The following ZMYM1 variants were observed in gnomAD, a reference collection of about 807,000 sequenced individuals.
ZMYM1 encodes zinc finger MYM-type containing 1.
In ZMYM1, 39 loss-of-function variants were observed where a neutral mutation model predicts 60.0. The ratio of observed to expected loss-of-function variants is 0.65; its 90% confidence interval spans 0.50 to 0.85. The LOEUF (loss-of-function observed/expected upper bound fraction) is 0.85. ZMYM1 is among the 40% of genes least tolerant of loss of function. The pLI, the probability that ZMYM1 is intolerant of heterozygous loss-of-function variation, is 0.00. For synonymous variants in ZMYM1, 413 were observed against 454.0 expected (o/e 0.91, Z 1.15); for missense variants, 1,171 against 1,309.5 (o/e 0.89, Z 1.63).
chr1:35,095,922 A>T, intron 3 of ZMYM1, 31 bp downstream of exon 3: 1 of 1,453,346 alleles, frequency 6.9e-7, no homozygotes, highest in Non-Finnish European at 9.6e-7. Context: ...AGTTATGTTT[A>T]TTCAGACCAA....
intron 4 of ZMYM1, among the ~76,000 whole-genome samples, chr1:35,098,756 A>C (rs1643476341): frequency 1.3e-5 from 2 of 152,164 alleles, no homozygotes; most frequent in African/African-American, 4.8e-5. Flanking sequence ...AATACAAAAA[A>C]ATTAGCTGAG....
At chr1:35,104,820 T>G (rs1643833053) in intron 6 of ZMYM1, 51 bp downstream of exon 6, 1 of 1,498,916 alleles carries the variant, frequency 6.7e-7, no homozygotes. Flanking sequence ...ATGAATGGTT[T>G]CACTCTAGGA....
chr1:35,113,884 C>A lies in ZMYM1; in HGVS notation c.2054C>A (p.Thr685Asn). The change falls in exon 10 of 10, where the codon ACT becomes AAT. Residue 685 changes from threonine to asparagine, a missense_variant. Thr to Asn is a moderately conservative substitution (Grantham distance 65). Transcript: ENST00000359858. ...IKERFLGFVD[T>N]EEMTGTHLHR... Reference sequence around the variant, plus strand: ...GAAAGATTCTTGGGTTTTGTTGATACTGAGGAGATGACTGGGACCCACTTA... The same window carrying A: ...GAAAGATTCTTGGGTTTTGTTGATAATGAGGAGATGACTGGGACCCACTTA... 6.2e-7 allele frequency: 1 copy of A among 1,613,802 alleles called. No individual in the cohort carries two copies. Among genetic ancestry groups the A allele is most frequent in the Non-Finnish European group, 8.5e-7 (1 of 1,179,862 alleles).
At chr1:35,117,832 C>G (rs1178681178), downstream of ZMYM1, among the ~76,000 whole-genome samples, 2 of 151,920 alleles carry the variant, frequency 1.3e-5, no homozygotes, top group African/African-American at 4.8e-5. Flanking sequence ...ACCAGCTACT[C>G]GGGAGGCTGA....
At chr1:35,086,257 G>A (rs1461255915) in intron 1 of ZMYM1, among the ~76,000 whole-genome samples, 2 of 151,908 alleles carry the variant, frequency 1.3e-5, no homozygotes, top group African/African-American at 4.8e-5. Flanking sequence ...AATATATACA[G>A]AATTTTAAGG....
chr1:35,095,501 GAAAA>G (rs60070624), intron 2 of ZMYM1, among the ~76,000 whole-genome samples: 1 of 107,922 alleles, frequency 9.3e-6, no homozygotes, highest in Non-Finnish European at 2.1e-5. Context: ...AAAAAAAAAA[GAAAA>G]AAAAAAAAAA....
At chr1:35,094,980 A>G (rs1340374186) in intron 2 of ZMYM1, among the ~76,000 whole-genome samples, 1 of 152,158 alleles carries the variant, frequency 6.6e-6, no homozygotes, top group Non-Finnish European at 1.5e-5. Context: ...GTAGATTAAT[A>G]TTAAATAAGG....
intron 1 of ZMYM1, among the ~76,000 whole-genome samples, chr1:35,089,041 C>T (rs1041127487): frequency 1.3e-5 from 2 of 151,734 alleles, no homozygotes; most frequent in Non-Finnish European, 2.9e-5. Context: ...CTTGAACTCC[C>T]GACCTCCTCA....
At chr1:35,062,393 C>T (rs563349224) in intron 1 of ZMYM1, among the ~76,000 whole-genome samples, 2 of 152,328 alleles carry the variant, frequency 1.3e-5, no homozygotes, top group East Asian at 3.9e-4. Flanking sequence ...AGGTTCTACC[C>T]TCCAACCTAG....
chr1:35,065,444 A>C (rs1268778879), intron 1 of ZMYM1, among the ~76,000 whole-genome samples: 1 of 151,940 alleles, frequency 6.6e-6, no homozygotes, highest in Admixed American at 6.6e-5. Context: ...AAATATAGTT[A>C]ATTGACGTTT....
intron 4 of ZMYM1, among the ~76,000 whole-genome samples, chr1:35,102,671 T>C (rs1281094797): frequency 6.6e-6 from 1 of 152,214 alleles, no homozygotes; most frequent in East Asian, 1.9e-4. Flanking sequence ...GATAATAGTT[T>C]GTCTTTATTT....
chr1:35,090,773 CCT>C, intron 1 of ZMYM1, among the ~76,000 whole-genome samples: 1 of 152,130 alleles, frequency 6.6e-6, no homozygotes, highest in East Asian at 1.9e-4. Flanking sequence ...ATGGAGAAAC[CCT>C]GTCTCTACTA....
chr1:35,095,749 G>T, intron 2 of ZMYM1, 70 bp from the exon 3 acceptor site: 2 of 1,285,430 alleles, frequency 1.6e-6, no homozygotes, highest in Non-Finnish European at 2.1e-6. Flanking sequence ...ATCATTTTCT[G>T]TTGAATGACT....
At chr1:35,094,150 G>A (rs1032837720) in intron 2 of ZMYM1, 67 bp downstream of exon 2, 3 of 1,367,120 alleles carry the variant, frequency 2.2e-6, no homozygotes, top group African/African-American at 2.9e-5. Flanking sequence ...AGTTACAAAG[G>A]TGCTGAAATG....
intron 1 of ZMYM1, among the ~76,000 whole-genome samples, chr1:35,088,454 A>ATATATATGTGTGTG (rs1464546786): frequency 2.0e-4 from 21 of 107,248 alleles, no homozygotes; most frequent in African/African-American, 8.1e-4. Flanking sequence ...ATATATATAT[A>ATATATATGTGTGTG]TGTGTGTGTG....
At chr1:35,101,982 G>A (rs1327913042) in intron 4 of ZMYM1, among the ~76,000 whole-genome samples, 1 of 152,122 alleles carries the variant, frequency 6.6e-6, no homozygotes, top group Admixed American at 6.6e-5. Context: ...AAAATTAAAT[G>A]ACATTTTAAA....
rs1018896163 is a variant in ZMYM1 at position 35,097,197 on chromosome 1, G to A, written c.170-120G>A. 6.3e-5 allele frequency: 72 copies of A among 1,134,144 alleles called. No individual in the cohort carries two copies. In the Admixed American group the frequency reaches 1.2e-3, roughly 18 times the overall value. The allele number at this position is 1,134,144 out of a possible 1,614,324, so 70.3% of individuals were successfully genotyped here. A position where few individuals can be genotyped will look rare whatever the true frequency, so the allele number is the denominator to read the frequency against. On this transcript the variant is annotated intron_variant, in intron 3 of 9. Coordinates refer to ENST00000359858, the MANE Select transcript of ZMYM1 (RefSeq NM_024772.5). Reference sequence around the variant, plus strand: ...ATCGTATCACTACACTGCCTAGAGTGCAAAAGAGGGCAACAGAACAAGACC... The same window carrying A: ...ATCGTATCACTACACTGCCTAGAGTACAAAAGAGGGCAACAGAACAAGACC...
chr1:35,081,249 T>C (rs891365379), intron 1 of ZMYM1, among the ~76,000 whole-genome samples: 1 of 152,182 alleles, frequency 6.6e-6, no homozygotes, highest in Non-Finnish European at 1.5e-5. Context: ...GTGTAATGTA[T>C]AAAGAAGTGG....
chr1:35,082,049 TTCTTTGTATAGAA>T (rs1642414691), intron 1 of ZMYM1, among the ~76,000 whole-genome samples: 1 of 152,222 alleles, frequency 6.6e-6, no homozygotes, highest in Non-Finnish European at 1.5e-5. Context: ...CTTTTGAATT[TTCTTTGTATAGAA>T]TCATGTCATC....
Sources: allele counts gnomAD v4.1 joint callset (sites outside exome capture counted in the v4.1 genomes callset), GRCh38; gene constraint gnomAD v4.1.1; transcripts MANE v1.5; gene names NCBI Gene and HGNC (gene_info 2026-07-23, HGNC 2026-07-21).